NAV2: variants seen among roughly 807,000 people sequenced by gnomAD.
The protein encoded by NAV2 is neuron navigator 2.
A neutral mutation model predicts 223.2 loss-of-function variants in NAV2; 54 were observed. The observed-to-expected ratio is 0.24, with a 90% confidence interval of 0.19 to 0.30. The LOEUF (loss-of-function observed/expected upper bound fraction) is 0.30. NAV2 is among the 10% of genes least tolerant of loss of function. NAV2 has a pLI of 1.00. For missense variants in NAV2, 2,806 were observed against 3,147.5 expected, an observed-to-expected ratio of 0.89 and a Z score of 2.60; for synonymous variants, 1,279 against 1,239.3, an observed-to-expected ratio of 1.03 and a Z score of -0.67.
intron 1 of NAV2, among the ~76,000 whole-genome samples, chr11:19,521,108 C>A (rs1468030777): frequency 6.6e-6 from 1 of 152,172 alleles, no homozygotes; most frequent in Non-Finnish European, 1.5e-5. Flanking sequence ...TGGTGATGGG[C>A]CTTGGAACCC....
intron 1 of NAV2, among the ~76,000 whole-genome samples, chr11:19,570,032 T>C (rs1255437465): frequency 6.6e-6 from 1 of 152,218 alleles, no homozygotes; most frequent in Non-Finnish European, 1.5e-5. Flanking sequence ...GGAACATCTG[T>C]ATTTCTTCCA....
intron 1 of NAV2, among the ~76,000 whole-genome samples, chr11:19,490,693 T>A (rs1724925531): frequency 6.6e-6 from 1 of 152,238 alleles, no homozygotes; most frequent in African/African-American, 2.4e-5. Context: ...TGGAATCAAC[T>A]TCTTCCGAAT....
intron 1 of NAV2, among the ~76,000 whole-genome samples, chr11:19,406,585 A>G (rs1244498449): frequency 1.3e-5 from 2 of 152,026 alleles, no homozygotes; most frequent in South Asian, 2.1e-4. Flanking sequence ...GAAGTTATAC[A>G]TTCCCTTGAG....
chr11:19,906,523 G>T (rs2042876934), intron 6 of NAV2, among the ~76,000 whole-genome samples: 1 of 152,180 alleles, frequency 6.6e-6, no homozygotes, highest in Admixed American at 6.5e-5. Flanking sequence ...AGTTGTCAAG[G>T]TAATAGTCTC....
At chr11:19,654,211 A>G (rs1469191187) in intron 1 of NAV2, among the ~76,000 whole-genome samples, 2 of 152,202 alleles carry the variant, frequency 1.3e-5, no homozygotes, top group Non-Finnish European at 2.9e-5. Context: ...TTCAAGGAGA[A>G]CTACAAACCA....
chr11:19,832,659 C>T (rs893026235), intron 2 of NAV2, 58 bp downstream of exon 2: 22 of 1,359,062 alleles, frequency 1.6e-5, no homozygotes, highest in African/African-American at 2.9e-5. Flanking sequence ...CTCAAAAGGC[C>T]GGGGTGAGGG....
chr11:19,345,448 G>A, the NAV2 span, among the ~76,000 whole-genome samples: 1 of 152,216 alleles, frequency 6.6e-6, no homozygotes, highest in East Asian at 1.9e-4. This position sits in a 1 kb window ranked among gnomAD's most constrained non-coding sequence, Gnocchi z 5.2. Context: ...GCTGAGCTCC[G>A]GGGTCCAGAG....
rs747162105 is a variant in NAV2, at chr11:20,044,229, G to A, written c.3156G>A (p.Thr1052=). 27 of 1,613,708 alleles carry A rather than the reference G, an allele frequency of 1.7e-5. No individual in the cohort carries two copies. Among genetic ancestry groups the A allele is most frequent in the Middle Eastern group, 1.6e-4 (1 of 6,082 alleles). Reference sequence around the variant, plus strand: ...AGGTGGGCATCACCATGCCAAGGACGAAGCCTTCAGCCCCGGCAGGCGCAC... The same window carrying A: ...AGGTGGGCATCACCATGCCAAGGACAAAGCCTTCAGCCCCGGCAGGCGCAC... ...TAQVGITMPR[T]KPSAPAGALK... The change falls in exon 13 of 38, where the codon ACG becomes ACA. Residue 1052 remains threonine, a synonymous_variant. Coordinates refer to ENST00000349880, the MANE Select transcript of NAV2 (RefSeq NM_145117.5).
intron 1 of NAV2, chr11:19,714,551 T>A (rs1215283291): frequency 6.8e-6 from 3 of 443,186 alleles, no homozygotes; most frequent in South Asian, 4.8e-5. Context: ...GCGGTACTAG[T>A]GCACCAGCTG....
At chr11:19,863,788 C>A (rs566142311) in intron 3 of NAV2, among the ~76,000 whole-genome samples, 1 of 152,156 alleles carries the variant, frequency 6.6e-6, no homozygotes. Context: ...GGTTTCCCTG[C>A]GTTCGACTGT....
intron 1 of NAV2, among the ~76,000 whole-genome samples, chr11:19,744,388 ATACCTCCAGAAGGTT>A (rs566857401): frequency 6.6e-6 from 1 of 152,262 alleles, no homozygotes; most frequent in East Asian, 1.9e-4. Context: ...CCTGTCCTAA[ATACCTCCAGAAGGTT>A]TAGTTCTGAC....
chr11:19,449,651 G>A (rs1023201790), intron 1 of NAV2, among the ~76,000 whole-genome samples: 4 of 151,912 alleles, frequency 2.6e-5, no homozygotes, highest in East Asian at 1.9e-4. Flanking sequence ...ACGGGGTGGG[G>A]TGCTTTTGTG....
chr11:19,442,277 G>T (rs1412378784), intron 1 of NAV2, among the ~76,000 whole-genome samples: 1 of 152,264 alleles, frequency 6.6e-6, no homozygotes, highest in South Asian at 2.1e-4. Flanking sequence ...CTGGCAAGAG[G>T]CTGGGCCTCC....
chr11:20,044,082 G>T lies in NAV2; in HGVS notation c.3009G>T (p.Glu1003Asp). 6.2e-7 allele frequency: 1 copy of T among 1,614,200 alleles called. No homozygotes were observed. The highest frequency in any genetic ancestry group is 8.5e-7 in the Non-Finnish European group (1 of 1,180,022). ...DGGSDSGIKMEPGSKWRRNPS... is the reference protein window; with the variant it reads ...DGGSDSGIKMDPGSKWRRNPS... ...GCTCAGACAGCGGCATAAAAATGGA[G>T]CCAGGTTCCAAGTGGAGGCGGAATC... The change falls in exon 13 of 38, where the codon GAG becomes GAT. Residue 1003 changes from glutamate (E) to aspartate (D), a missense_variant. Around this residue, in one of 4 missense-constraint regions of NAV2, gnomAD observed 742 missense variants for 777.9 expected, o/e 0.95. Coordinates refer to ENST00000349880, the MANE Select transcript of NAV2 (RefSeq NM_145117.5).
chr11:19,552,431 A>G (rs7932624), intron 1 of NAV2, among the ~76,000 whole-genome samples: 53,681 of 152,084 alleles, frequency 0.35, 11,319 homozygotes, highest in African/African-American at 0.59. Flanking sequence ...GCTCAGGGGC[A>G]TGGAGCCCAG....
intron 22 of NAV2, among the ~76,000 whole-genome samples, chr11:20,076,131 A>G (rs186774395): frequency 2.4e-4 from 37 of 152,304 alleles, no homozygotes; most frequent in African/African-American, 7.7e-4. Flanking sequence ...AGGAAAATAG[A>G]TATTGGTACC....
At chr11:19,547,687 A>G (rs2044548129) in intron 1 of NAV2, among the ~76,000 whole-genome samples, 1 of 151,986 alleles carries the variant, frequency 6.6e-6, no homozygotes, top group South Asian at 2.1e-4. Flanking sequence ...AGCCCGGGGG[A>G]CAAGTAGGAC....
At position 19,998,295 on chromosome 11, in the gene NAV2, A is replaced by C. The variant is rs1276866948; in HGVS notation, c.2768+14048A>C. Among the ~76,000 whole-genome samples the C allele has an allele frequency of 9.0e-5, 13 of 143,698 alleles. No homozygotes were observed. Among genetic ancestry groups the C allele is most frequent in the Non-Finnish European group, 1.1e-4 (7 of 65,772 alleles). 94.3% of individuals were successfully genotyped at this position (143,698 alleles called of 152,430 possible). On this transcript the variant is annotated intron_variant, in intron 11 of 37. Transcript: ENST00000349880. This position sits in a 1 kb window ranked among gnomAD's most constrained non-coding sequence, Gnocchi z 5.0. Reference sequence around the variant, plus strand: ...CTTCTCTCTCTCCCTCTCTCCGCCCACCTCCCTCTCCTTCTCTCTCATTGG... The same window carrying C: ...CTTCTCTCTCTCCCTCTCTCCGCCCCCCTCCCTCTCCTTCTCTCTCATTGG...
intron 1 of NAV2, among the ~76,000 whole-genome samples, chr11:19,670,295 C>A (rs776266648): frequency 5.3e-5 from 8 of 152,156 alleles, no homozygotes; most frequent in Admixed American, 1.3e-4. Flanking sequence ...GCCTGCTCAC[C>A]TAACTCTGAT....
Sources: allele counts gnomAD v4.1 joint callset (sites outside exome capture counted in the v4.1 genomes callset), GRCh38; gene constraint gnomAD v4.1.1; regional missense constraint gnomAD v4.1.1; non-coding constraint Gnocchi (gnomAD v3.1); transcripts MANE v1.5; gene names NCBI Gene and HGNC (gene_info 2026-07-23, HGNC 2026-07-21).